Variants in RBFOX1 observed in about 807,000 individuals in gnomAD.
RBFOX1 encodes RNA binding fox-1 homolog 1, also known as RNA binding protein fox-1 homolog 1.
A neutral mutation model predicts 57.7 loss-of-function variants in RBFOX1; 8 were observed. The ratio of observed to expected loss-of-function variants is 0.14; its 90% confidence interval spans 0.08 to 0.25. The LOEUF (loss-of-function observed/expected upper bound fraction) is 0.25. Among genes scored for constraint, RBFOX1 ranks in the 10% least tolerant of loss-of-function variants. The pLI is 1.00. For synonymous variants in RBFOX1, 326 were observed against 222.4 expected, an observed-to-expected ratio of 1.47 and a Z score of -4.15; for missense variants, 611 against 548.5, an observed-to-expected ratio of 1.11 and a Z score of -1.14.
chr16:6,075,716 C>G (rs1418224596), intron 1 of RBFOX1, among the ~76,000 whole-genome samples: 2 of 152,196 alleles, frequency 1.3e-5, no homozygotes, highest in Non-Finnish European at 2.9e-5. Flanking sequence ...TAGTTCCTCC[C>G]TCCTTAAAAT....
intron 2 of RBFOX1, among the ~76,000 whole-genome samples, chr16:6,588,094 G>C (rs1272002634): frequency 6.6e-6 from 1 of 151,818 alleles, no homozygotes; most frequent in East Asian, 2.0e-4. Context: ...AGCTGGGCGT[G>C]GTGGCACACA....
chr16:5,517,500 C>G (rs1275874263), intron 2 of RBFOX1, among the ~76,000 whole-genome samples: 2 of 152,060 alleles, frequency 1.3e-5, no homozygotes, highest in Non-Finnish European at 2.9e-5. Context: ...TTCTAAAATC[C>G]CAGAAGAGAG....
chr16:5,397,000 A>G (rs904721327), intron 1 of RBFOX1, among the ~76,000 whole-genome samples: 1 of 152,180 alleles, frequency 6.6e-6, no homozygotes, highest in Admixed American at 6.5e-5. Context: ...TTGCCTTTGA[A>G]GATCTCAGGT....
intron 2 of RBFOX1, among the ~76,000 whole-genome samples, chr16:6,598,749 C>A (rs2097805530): frequency 6.6e-6 from 1 of 152,046 alleles, no homozygotes; most frequent in Non-Finnish European, 1.5e-5. Flanking sequence ...AGTTCGAGAC[C>A]AGCCGGACCA....
chr16:7,449,070 C>T (rs2150140110), intron 4 of RBFOX1, among the ~76,000 whole-genome samples: 1 of 151,952 alleles, frequency 6.6e-6, no homozygotes, highest in South Asian at 2.1e-4. Context: ...GCTGGGATTA[C>T]AGGCATGCAC....
chr16:7,001,777 C>G (rs1229522329), intron 3 of RBFOX1, among the ~76,000 whole-genome samples: 1 of 151,996 alleles, frequency 6.6e-6, no homozygotes, highest in Non-Finnish European at 1.5e-5. Flanking sequence ...TTTTTAGAAG[C>G]TTTTCAGAAC....
At chr16:6,004,729 G>A (rs763451207) in intron 4 of RBFOX1, among the ~76,000 whole-genome samples, 8 of 152,190 alleles carry the variant, frequency 5.3e-5, no homozygotes, top group East Asian at 3.9e-4. Flanking sequence ...ATTGATACTC[G>A]GCCCTAAGAT....
At chr16:5,450,127 C>T (rs958148818) in intron 1 of RBFOX1, among the ~76,000 whole-genome samples, 33 of 152,290 alleles carry the variant, frequency 2.2e-4, no homozygotes, top group African/African-American at 7.7e-4. Flanking sequence ...AAGGGTTGGG[C>T]AGGAGAGGTG....
chr16:6,222,984 AATG>A (rs1185724073), intron 1 of RBFOX1, among the ~76,000 whole-genome samples: 1 of 150,674 alleles, frequency 6.6e-6, no homozygotes, highest in Non-Finnish European at 1.5e-5. Flanking sequence ...GTTTACTGAG[AATG>A]ATGATTTCCA....
Position 6,200,987 on chromosome 16 carries a change from G to A in RBFOX1, c.-126-116008G>A, listed in dbSNP as rs149498995. Among the ~76,000 whole-genome samples the A allele has an allele frequency of 1.3e-3, 203 of 150,884 alleles. 2 individuals are homozygous for A. The highest frequency in any genetic ancestry group is 4.3e-3 in the African/African-American group (175 of 41,114). ...AGTGAAATCGAGCATGAGCAAATGT[G>A]AAATCCGCATTATGCTCAAATCGTT... On this transcript the variant is annotated intron_variant, in intron 1 of 15. Transcript: ENST00000550418.
rs1031420118 is a variant in RBFOX1 at position 5,444,957 on chromosome 16, A to G, written c.220-22259A>G. On this transcript the variant is annotated intron_variant, in intron 1 of 2. Transcript: ENST00000585867. ...GTCACAGGCCAGAAAGCTAATGGCA[A>G]GACATGGTTAGCTCTGGGGAAATCA... 7.9e-5 allele frequency among the ~76,000 whole-genome samples: 12 copies of G among 152,294 alleles called. No individual in the cohort carries two copies. In the East Asian group the frequency reaches 2.3e-3, roughly 29 times the overall value.
intron 4 of RBFOX1, among the ~76,000 whole-genome samples, chr16:7,089,823 C>T (rs1038444391): frequency 2.0e-5 from 3 of 152,038 alleles, no homozygotes; most frequent in Non-Finnish European, 4.4e-5. Context: ...TTATTAACTG[C>T]ATTTATCACA....
intron 4 of RBFOX1, among the ~76,000 whole-genome samples, chr16:7,126,866 G>A (rs1205404999): frequency 1.3e-5 from 2 of 152,012 alleles, no homozygotes; most frequent in East Asian, 1.9e-4. Flanking sequence ...AAAATGAGCT[G>A]GATGTGGTGG....
At chr16:6,521,091 A>G (rs1438406218) in intron 2 of RBFOX1, among the ~76,000 whole-genome samples, 2 of 152,178 alleles carry the variant, frequency 1.3e-5, no homozygotes, top group East Asian at 3.9e-4. Flanking sequence ...GCGGCTGACG[A>G]CAATCAGGCA....
intron 4 of RBFOX1, among the ~76,000 whole-genome samples, chr16:7,284,600 G>C (rs1405965992): frequency 6.6e-6 from 1 of 152,106 alleles, no homozygotes; most frequent in East Asian, 1.9e-4. Flanking sequence ...CACAGTGCTA[G>C]GATGACAGGC....
At chr16:5,956,676 A>AT (rs1416211761) in intron 4 of RBFOX1, among the ~76,000 whole-genome samples, 34 of 104,062 alleles carry the variant, frequency 3.3e-4, no homozygotes, top group African/African-American at 1.1e-3. Context: ...ATATATATAT[A>AT]TATTTTTTTT....
intron 4 of RBFOX1, among the ~76,000 whole-genome samples, chr16:5,891,759 C>CAGAGCTGGGGT (rs957112059): frequency 6.6e-6 from 1 of 152,108 alleles, no homozygotes. Context: ...GTTCCTGGGG[C>CAGAGCTGGGGT]AGAGCTGGGG....
At chr16:7,710,556 T>A (rs1486614061) in intron 15 of RBFOX1, 67 bp from the exon 16 acceptor site, 10 of 1,595,466 alleles carry the variant, frequency 6.3e-6, no homozygotes, top group Non-Finnish European at 2.6e-6. Flanking sequence ...ACATTAGTCT[T>A]TTTGATGATC....
chr16:7,133,989 A>T (rs17559799), intron 4 of RBFOX1, among the ~76,000 whole-genome samples: 12 of 152,324 alleles, frequency 7.9e-5, no homozygotes, highest in South Asian at 2.1e-4. Flanking sequence ...GCGGCATTCA[A>T]TTCTAAGCCT....
Sources: gnomAD v4.1 joint callset for allele counts (sites outside exome capture counted in the v4.1 genomes callset) on GRCh38, gnomAD v4.1.1 for gene constraint, MANE v1.5 for transcripts, NCBI Gene and HGNC (gene_info 2026-07-23, HGNC 2026-07-21) for gene names.